The following PDLIM5 variants were observed in gnomAD, a reference collection of about 807,000 sequenced individuals.
PDLIM5 encodes the protein PDZ and LIM domain protein 5.
Under a neutral mutation model 64.2 loss-of-function variants are expected in PDLIM5, and 34 were observed. The observed-to-expected ratio is 0.53, with a 90% confidence interval of 0.40 to 0.71. The LOEUF (loss-of-function observed/expected upper bound fraction) is 0.71. Ranked by LOEUF, PDLIM5 falls within the 30% of genes least tolerant of loss-of-function variation. The pLI, the probability that PDLIM5 is intolerant of heterozygous loss-of-function variation, is 0.00. For synonymous variants in PDLIM5, 253 were observed against 269.1 expected (o/e 0.94, Z 0.59); for missense variants, 683 against 733.6 (o/e 0.93, Z 0.80).
chr4:94,474,156 C>T (rs911904726), intron 2 of PDLIM5, among the ~76,000 whole-genome samples: 1 of 152,128 alleles, frequency 6.6e-6, no homozygotes, highest in Admixed American at 6.6e-5. Context: ...TTTGAAATTG[C>T]TTTTTAAATT....
chr4:94,530,955 A>G (rs760810063), intron 3 of PDLIM5, among the ~76,000 whole-genome samples: 7 of 152,314 alleles, frequency 4.6e-5, no homozygotes, highest in Middle Eastern at 3.4e-3. Context: ...TTCTTTCACC[A>G]ATAGAATAGA....
chr4:94,454,734 A>G (rs779429406), intron 1 of PDLIM5, among the ~76,000 whole-genome samples: 2 of 152,222 alleles, frequency 1.3e-5, no homozygotes, highest in East Asian at 3.8e-4. Context: ...ACAGCTTCTC[A>G]TTGTAAAGAA....
At chr4:94,564,941 C>T (rs1353078185) in intron 3 of PDLIM5, among the ~76,000 whole-genome samples, 2 of 152,168 alleles carry the variant, frequency 1.3e-5, no homozygotes, top group Non-Finnish European at 2.9e-5. Flanking sequence ...CAGGCATGAG[C>T]CGCCACGCCC....
intron 2 of PDLIM5, among the ~76,000 whole-genome samples, chr4:94,495,906 C>T (rs868017812): frequency 6.6e-6 from 1 of 152,146 alleles, no homozygotes; most frequent in South Asian, 2.1e-4. Flanking sequence ...GAATAGCCTG[C>T]TATGCAGAGG....
At chr4:94,633,603 T>C (rs1208885035) in intron 8 of PDLIM5, among the ~76,000 whole-genome samples, 2 of 152,082 alleles carry the variant, frequency 1.3e-5, no homozygotes, top group Non-Finnish European at 1.5e-5. Context: ...AGAAAGACAA[T>C]AATTCTGGTG....
intron 3 of PDLIM5, among the ~76,000 whole-genome samples, chr4:94,539,492 C>T (rs1471157344): frequency 6.6e-6 from 1 of 152,104 alleles, no homozygotes; most frequent in East Asian, 1.9e-4. Flanking sequence ...TATTTAACTA[C>T]AGTGGTATGC....
intron 7 of PDLIM5, chr4:94,610,344 G>A (rs1738271508): frequency 7.3e-7 from 1 of 1,364,268 alleles, no homozygotes; most frequent in Admixed American, 3.0e-5. Flanking sequence ...TGTGATCTCA[G>A]CGCTCTTCAC....
intron 7 of PDLIM5, chr4:94,608,247 T>C: frequency 1.9e-6 from 2 of 1,055,156 alleles, no homozygotes; most frequent in Non-Finnish European, 2.7e-6. Flanking sequence ...CTAAACTGTT[T>C]GAAAAAGAAA....
chr4:94,456,385 AC>A, intron 2 of PDLIM5: 1 of 660,888 alleles, frequency 1.5e-6, no homozygotes. Flanking sequence ...TTTAGTAGAG[AC>A]CAAGTTTCCC....
chr4:94,531,520 C>G (rs1189221768), intron 3 of PDLIM5, among the ~76,000 whole-genome samples: 1 of 152,188 alleles, frequency 6.6e-6, no homozygotes, highest in African/African-American at 2.4e-5. Context: ...AGCTGATGAG[C>G]TTAAAGTAGT....
chr4:94,646,779 G>T (rs1688127966), intron 9 of PDLIM5, among the ~76,000 whole-genome samples: 1 of 152,124 alleles, frequency 6.6e-6, no homozygotes, highest in African/African-American at 2.4e-5. Context: ...TGGCACCATG[G>T]TATATATTTC....
In PDLIM5 at chr4:94,526,484, G is replaced by A. The variant is rs192663936; in HGVS notation, c.248+2609G>A. Among the ~76,000 whole-genome samples the A allele has an allele frequency of 4.4e-4, 67 of 152,234 alleles. 1 individual carries two copies. Among genetic ancestry groups the A allele is most frequent in the South Asian group, 4.3e-3 (21 of 4,828 alleles). On this transcript the variant is annotated intron_variant, in intron 3 of 12. Coordinates refer to ENST00000317968, the MANE Select transcript of PDLIM5 (RefSeq NM_006457.5). ...TAGAGTCCCATTATTATTCATTGGC[G>A]TTCTCTTCAAGTTTTTGAGCAGTTC... is the stretch of plus-strand genomic sequence containing the variant.
chr4:94,573,306 A>C, intron 3 of PDLIM5, 45 bp from the exon 4 acceptor site: 8 of 1,528,590 alleles, frequency 5.2e-6, no homozygotes, highest in Non-Finnish European at 7.2e-6. Context: ...CAAGTTTATA[A>C]AAATTCATTA....
At chr4:94,611,944 G>A (rs1179113410) in intron 7 of PDLIM5, among the ~76,000 whole-genome samples, 2 of 152,174 alleles carry the variant, frequency 1.3e-5, no homozygotes, top group African/African-American at 4.8e-5. Context: ...TGGGCCAGGT[G>A]CAGTGGCTCA....
chr4:94,566,426 A>G (rs1734324581), intron 3 of PDLIM5, among the ~76,000 whole-genome samples: 1 of 152,136 alleles, frequency 6.6e-6, no homozygotes, highest in Non-Finnish European at 1.5e-5. Flanking sequence ...TTTGATTCTA[A>G]TAGTATATAA....
At chr4:94,594,919 C>G (rs1736950208) in intron 7 of PDLIM5, among the ~76,000 whole-genome samples, 1 of 152,054 alleles carries the variant, frequency 6.6e-6, no homozygotes, top group Non-Finnish European at 1.5e-5. Context: ...AAAGAACTAC[C>G]TGAGACAGTA....
intron 9 of PDLIM5, among the ~76,000 whole-genome samples, chr4:94,651,996 CT>C (rs1741879616): frequency 6.6e-6 from 1 of 152,208 alleles, no homozygotes; most frequent in Non-Finnish European, 1.5e-5. Context: ...CTGACTTGAA[CT>C]CAATACATAT....
chr4:94,458,837 T>C (rs1350291825), intron 2 of PDLIM5, among the ~76,000 whole-genome samples: 2 of 152,210 alleles, frequency 1.3e-5, no homozygotes, highest in Non-Finnish European at 2.9e-5. Context: ...CTGTATTGTA[T>C]GAATTTTGTA....
chr4:94,638,547 T>A (rs1316443320), intron 8 of PDLIM5, among the ~76,000 whole-genome samples: 1 of 152,234 alleles, frequency 6.6e-6, no homozygotes, highest in Non-Finnish European at 1.5e-5. Flanking sequence ...ATATCAATTA[T>A]CCTAATTAAT....
Sources: gnomAD v4.1 joint callset for allele counts (sites outside exome capture counted in the v4.1 genomes callset) on GRCh38, gnomAD v4.1.1 for gene constraint, MANE v1.5 for transcripts, NCBI Gene and HGNC (gene_info 2026-07-23, HGNC 2026-07-21) for gene names.